HPCAL1: variants seen among roughly 807,000 people sequenced by gnomAD.
The protein encoded by HPCAL1 is hippocalcin like 1, also known as hippocalcin-like protein 1.
HPCAL1 carries 8 observed loss-of-function variants against 17.1 expected under a neutral mutation model. The observed-to-expected ratio is 0.47, with a 90% CI of 0.27 to 0.84. The LOEUF (loss-of-function observed/expected upper bound fraction) is 0.84, where lower values mean the gene tolerates loss of function less well. Ranked by LOEUF, HPCAL1 falls within the 40% of genes least tolerant of loss-of-function variation. The probability of loss-of-function intolerance (pLI) is 0.13; values close to 1 mark genes in which losing one functional copy is unlikely to be tolerated. For missense variants in HPCAL1, 165 were observed against 271.1 expected, an observed-to-expected ratio of 0.61 and a Z score of 2.75; for synonymous variants, 112 against 111.4, an observed-to-expected ratio of 1.01 and a Z score of -0.03.
chr2:10,380,211 G>T (rs1355121772), intron 1 of HPCAL1, among the ~76,000 whole-genome samples: 1 of 152,234 alleles, frequency 6.6e-6, no homozygotes, highest in African/African-American at 2.4e-5. Context: ...TGCAAGGTTT[G>T]CTTGGTCTGG....
rs1045039760 is a variant in HPCAL1, at chr2:10,323,124, G to A, written c.-111+19947G>A. Among the ~76,000 whole-genome samples the A allele has an allele frequency of 2.0e-5, 3 of 152,148 alleles. No individual in the cohort carries two copies. Among genetic ancestry groups the A allele is most frequent in the Non-Finnish European group, 2.9e-5 (2 of 68,020 alleles). On this transcript the variant is annotated intron_variant, in intron 1 of 4. Coordinates refer to ENST00000307845, the MANE Select transcript of HPCAL1 (RefSeq NM_002149.4). The surrounding 1 kb of genome is among the most constrained non-coding windows in gnomAD (Gnocchi z 4.6). ...TGTGCTGCAGCCACCACCACTGGCCGCTTCATGGCATGTTTCCAGCACAAC... is the reference window on the plus strand; with the variant it reads ...TGTGCTGCAGCCACCACCACTGGCCACTTCATGGCATGTTTCCAGCACAAC...
In HPCAL1 at chr2:10,342,005, T is replaced by A. The variant is rs1435218868; in HGVS notation, c.-111+38828T>A. On this transcript the variant is annotated intron_variant, in intron 1 of 4. Transcript: ENST00000307845. This position sits in a 1 kb window ranked among gnomAD's most constrained non-coding sequence, Gnocchi z 4.1. Reference sequence around the variant, plus strand: ...ACTCTGTCTCTAGATAAAGTTTTTTTTTTTTTTTTAAATTAGCCAGATGTG... The same window carrying A: ...ACTCTGTCTCTAGATAAAGTTTTTTATTTTTTTTTAAATTAGCCAGATGTG... Among the ~76,000 whole-genome samples the A allele has an allele frequency of 2.0e-5, 3 of 151,648 alleles. No homozygotes were observed. Among genetic ancestry groups the A allele is most frequent in the Non-Finnish European group, 2.9e-5 (2 of 67,920 alleles).
chr2:10,390,292 C>T (rs1327391918), intron 1 of HPCAL1, among the ~76,000 whole-genome samples: 2 of 152,192 alleles, frequency 1.3e-5, no homozygotes. Context: ...GTGGTCTCCT[C>T]AGGACACATA....
At chr2:10,373,291 G>C (rs1413862546) in intron 1 of HPCAL1, among the ~76,000 whole-genome samples, 2 of 152,220 alleles carry the variant, frequency 1.3e-5, no homozygotes, top group Non-Finnish European at 2.9e-5. Flanking sequence ...ATGAGAGGCA[G>C]ATGGGGAAAC....
At chr2:10,404,504 T>C (rs2125597336) in intron 2 of HPCAL1, among the ~76,000 whole-genome samples, 1 of 152,286 alleles carries the variant, frequency 6.6e-6, no homozygotes, top group Non-Finnish European at 1.5e-5. Context: ...GCGTTTCCTT[T>C]TAAACAGACC....
At chr2:10,351,446 G>T (rs577802187) in intron 1 of HPCAL1, among the ~76,000 whole-genome samples, 1 of 152,272 alleles carries the variant, frequency 6.6e-6, no homozygotes, top group East Asian at 1.9e-4. Context: ...ATGGGTACAT[G>T]GTTTCTTTTG....
rs558120001 is a variant in HPCAL1, at chr2:10,359,900, C to T, written c.-110-36935C>T. 3.4e-5 allele frequency among the ~76,000 whole-genome samples: 5 copies of T among 147,850 alleles called. No homozygotes were observed. Among genetic ancestry groups the T allele is most frequent in the African/African-American group, 7.8e-5 (3 of 38,380 alleles). ...GCCTCCTGCCTCCTTCCACAGTGCCCGCCGGGTCCACAGCGCCCGCCGGGT... is the reference window on the plus strand; with the variant it reads ...GCCTCCTGCCTCCTTCCACAGTGCCTGCCGGGTCCACAGCGCCCGCCGGGT... On this transcript the variant is annotated intron_variant, in intron 1 of 4. Transcript: ENST00000307845. This position sits in a 1 kb window ranked among gnomAD's most constrained non-coding sequence, Gnocchi z 4.1.
chr2:10,410,436 CTTTTTTTTTTTT>C lies in HPCAL1; in HGVS notation c.-24-9284_-24-9273del, dbSNP rs36002921. Among the ~76,000 whole-genome samples, 26 of 77,526 alleles carry C rather than the reference CTTTTTTTTTTTT, an allele frequency of 3.4e-4. 1 individual carries two copies. Among genetic ancestry groups the C allele is most frequent in the African/African-American group, 1.1e-3 (23 of 20,158 alleles). The allele number at this position is 77,526 out of a possible 152,430, so 50.9% of individuals were successfully genotyped here. On this transcript the variant is annotated intron_variant, in intron 2 of 4. Coordinates refer to ENST00000307845, the MANE Select transcript of HPCAL1 (RefSeq NM_002149.4). Reference sequence around the variant, plus strand: ...CCTTGTTCCTCTTTTTCTTCTTCTTCTTTTTTTTTTTTTTTTTTTTTTTTTACAATTCAGCAG... The same window carrying C: ...CCTTGTTCCTCTTTTTCTTCTTCTTCTTTTTTTTTTTTTACAATTCAGCAG...
At chr2:10,400,467 G>A (rs549573407) in intron 2 of HPCAL1, among the ~76,000 whole-genome samples, 1 of 152,322 alleles carries the variant, frequency 6.6e-6, no homozygotes. Context: ...AGGACCCCAG[G>A]CTTGCCTCCC....
At chr2:10,350,142 A>G (rs1665751813) in intron 1 of HPCAL1, among the ~76,000 whole-genome samples, 1 of 152,126 alleles carries the variant, frequency 6.6e-6, no homozygotes, top group Non-Finnish European at 1.5e-5. Flanking sequence ...CTACTGGTAT[A>G]AGCAGGTTTG....
intron 1 of HPCAL1, among the ~76,000 whole-genome samples, chr2:10,393,735 G>A (rs73163039): frequency 0.024 from 3,639 of 152,232 alleles, 158 homozygotes; most frequent in African/African-American, 0.084. Flanking sequence ...CAGCAGGCTT[G>A]TGCTCACCTG....
At chr2:10,352,743 C>T (rs1376656254) in intron 1 of HPCAL1, among the ~76,000 whole-genome samples, 2 of 152,176 alleles carry the variant, frequency 1.3e-5, no homozygotes, top group South Asian at 4.1e-4. Context: ...GGGCCTGGTG[C>T]CCCCCATCAG....
At position 10,344,749 on chromosome 2, in the gene HPCAL1, C is replaced by T. The variant is rs1390301187; in HGVS notation, c.-111+41572C>T. Among the ~76,000 whole-genome samples, 1 of 152,072 alleles carries T rather than the reference C, an allele frequency of 6.6e-6. No homozygotes were observed. The highest frequency in any genetic ancestry group is 1.5e-5 in the Non-Finnish European group (1 of 68,010). ...TGTCTGTCTCTATGTGTCTGTTTCTCTCTCCCTCTTTCTGTGTGTGTCTCT... is the reference window on the plus strand; with the variant it reads ...TGTCTGTCTCTATGTGTCTGTTTCTTTCTCCCTCTTTCTGTGTGTGTCTCT... On this transcript the variant is annotated intron_variant, in intron 1 of 4. Transcript: ENST00000307845. The surrounding 1 kb of genome is among the most constrained non-coding windows in gnomAD (Gnocchi z 4.9).
chr2:10,328,584 A>G (rs995416111), intron 1 of HPCAL1, among the ~76,000 whole-genome samples: 1 of 152,048 alleles, frequency 6.6e-6, no homozygotes, highest in East Asian at 1.9e-4. Context: ...TGGGACACCC[A>G]CCTTCTGCTG....
At chr2:10,327,434 T>C (rs1050142962) in intron 1 of HPCAL1, among the ~76,000 whole-genome samples, 3 of 152,238 alleles carry the variant, frequency 2.0e-5, no homozygotes, top group African/African-American at 7.2e-5. Context: ...CTTTGCTTCC[T>C]GGCCCTGTGA....
At chr2:10,399,017 C>T (rs974751952) in intron 2 of HPCAL1, among the ~76,000 whole-genome samples, 6 of 151,878 alleles carry the variant, frequency 4.0e-5, no homozygotes, top group East Asian at 1.9e-4. Context: ...TGTCCTGGCC[C>T]GAGGCCACTG....
At chr2:10,332,125 C>G (rs1664424912) in intron 1 of HPCAL1, among the ~76,000 whole-genome samples, 1 of 152,152 alleles carries the variant, frequency 6.6e-6, no homozygotes, top group African/African-American at 2.4e-5. Flanking sequence ...ACTCACTTTG[C>G]TTCTCCCTTC....
chr2:10,360,095 C>T (rs1212092844), intron 1 of HPCAL1, among the ~76,000 whole-genome samples: 1 of 152,190 alleles, frequency 6.6e-6, no homozygotes, highest in African/African-American at 2.4e-5. Context: ...GGAGGAAGTG[C>T]AGTGCCAAGG....
At position 10,331,768 on chromosome 2, in the gene HPCAL1, A is replaced by G. The variant is rs1010549579; in HGVS notation, c.-111+28591A>G. 2.0e-5 allele frequency among the ~76,000 whole-genome samples: 3 copies of G among 152,098 alleles called. No homozygotes were observed. The highest frequency in any genetic ancestry group is 7.2e-5 in the African/African-American group (3 of 41,420). Reference sequence around the variant, plus strand: ...TGGATGGGGACATAAACAAGCCGCCATCAACTGCTTGGTGACATTGGCCAA... The same window carrying G: ...TGGATGGGGACATAAACAAGCCGCCGTCAACTGCTTGGTGACATTGGCCAA... On this transcript the variant is annotated intron_variant, in intron 1 of 4. Transcript: ENST00000307845. The surrounding 1 kb of genome is among the most constrained non-coding windows in gnomAD (Gnocchi z 5.0).
Sources: gnomAD v4.1 joint callset for allele counts (sites outside exome capture counted in the v4.1 genomes callset) on GRCh38, gnomAD v4.1.1 for gene constraint, Gnocchi (gnomAD v3.1) non-coding constraint, MANE v1.5 for transcripts, NCBI Gene and HGNC (gene_info 2026-07-23, HGNC 2026-07-21) for gene names.